TMEM183A: variants seen among roughly 807,000 people sequenced by gnomAD.
TMEM183A encodes the protein chromosome 1 open reading frame 37.
Under a neutral mutation model 46.7 loss-of-function variants are expected in TMEM183A, and 21 were observed. The observed-to-expected ratio is 0.45, with a 90% confidence interval of 0.32 to 0.65. The LOEUF (loss-of-function observed/expected upper bound fraction) is 0.65, where lower values mean the gene tolerates loss of function less well. TMEM183A is among the 30% of genes least tolerant of loss of function. TMEM183A has a pLI of 0.04. For synonymous variants in TMEM183A, 165 were observed against 180.2 expected (o/e 0.92, Z 0.68); for missense variants, 331 against 481.9 (o/e 0.69, Z 2.93).
Position 203,008,818 on chromosome 1 carries a change from G to C in TMEM183A, c.367+8G>C, listed in dbSNP as rs377530296. 6.3e-7 allele frequency: 1 copy of C among 1,588,894 alleles called. No homozygotes were observed. The highest frequency in any genetic ancestry group is 8.6e-7 in the Non-Finnish European group (1 of 1,169,446). On this transcript the variant is annotated splice_region_variant and intron_variant, in intron 3 of 7. Coordinates refer to ENST00000367242, the MANE Select transcript of TMEM183A (RefSeq NM_138391.6). ...AAAGCAAGAGACACAAAGGTATGGAGCTTGTTCTCTTTTGGTTTATTAGAC... is the reference window on the plus strand; with the variant it reads ...AAAGCAAGAGACACAAAGGTATGGACCTTGTTCTCTTTTGGTTTATTAGAC...
chr1:203,010,279 T>C (rs1420930313), intron 3 of TMEM183A, among the ~76,000 whole-genome samples: 1 of 152,238 alleles, frequency 6.6e-6, no homozygotes, highest in Non-Finnish European at 1.5e-5. Flanking sequence ...GTTAATGAAA[T>C]TAATGGTATG....
rs578145641 is a variant in TMEM183A at position 203,013,974 on chromosome 1, C to T, written c.368-915C>T. On this transcript the variant is annotated intron_variant, in intron 3 of 7. Coordinates refer to ENST00000367242, the MANE Select transcript of TMEM183A (RefSeq NM_138391.6). The surrounding 1 kb of genome is among the most constrained non-coding windows in gnomAD (Gnocchi z 4.0). ...TTCACCATGTTGGCCAGGATGGTCT[C>T]GATCTCTTGACCTCGTGATCTGCCT... Among the ~76,000 whole-genome samples, 115 of 152,126 alleles carry T rather than the reference C, an allele frequency of 7.6e-4. No individual in the cohort carries two copies. The highest frequency in any genetic ancestry group is 2.5e-3 in the African/African-American group (105 of 41,512).
intron 6 of TMEM183A, among the ~76,000 whole-genome samples, chr1:203,019,328 A>G (rs955412506): frequency 7.2e-5 from 11 of 152,324 alleles, no homozygotes; most frequent in Admixed American, 2.6e-4. Flanking sequence ...AAGGATAACA[A>G]CCTACTGCAA....
At chr1:203,019,181 C>T (rs1657440863) in intron 6 of TMEM183A, among the ~76,000 whole-genome samples, 3 of 152,150 alleles carry the variant, frequency 2.0e-5, no homozygotes, top group Non-Finnish European at 4.4e-5. Context: ...TTCAGATGCT[C>T]AACTGGTATA....
At chr1:203,016,183 T>C in intron 5 of TMEM183A, 43 bp downstream of exon 5, 2 of 1,612,704 alleles carry the variant, frequency 1.2e-6, no homozygotes, top group Non-Finnish European at 8.5e-7. Flanking sequence ...TGAACTCTTG[T>C]ATGGTAGGCC....
At chr1:203,007,967 T>G in intron 2 of TMEM183A, 104 bp downstream of exon 2, 1 of 1,421,456 alleles carries the variant, frequency 7.0e-7, no homozygotes, top group Non-Finnish European at 9.5e-7. Context: ...TGTAACCGTG[T>G]TTGCTTTCGT....
chr1:203,016,701 C>G (rs1364485754), intron 5 of TMEM183A, among the ~76,000 whole-genome samples: 4 of 152,198 alleles, frequency 2.6e-5, no homozygotes, highest in African/African-American at 9.7e-5. Context: ...TACCCTGATT[C>G]ATAAACCTTA....
Position 203,015,241 on chromosome 1 carries a change from C to T in TMEM183A, c.527+193C>T, listed in dbSNP as rs188329985. The T allele has an allele frequency of 9.2e-5, 77 of 840,214 alleles. No homozygotes were observed. In the African/African-American group the frequency reaches 1.2e-3, roughly 13 times the overall value. The allele number at this position is 840,214 out of a possible 1,614,324, so 52.0% of individuals were successfully genotyped here. A position where few individuals can be genotyped will look rare whatever the true frequency, so the allele number is the denominator to read the frequency against. Reference sequence around the variant, plus strand: ...TATTAATTATCCAGGTAATTGTCTTCCGTGTGGTTGCCTCCTTCCCCACTC... The same window carrying T: ...TATTAATTATCCAGGTAATTGTCTTTCGTGTGGTTGCCTCCTTCCCCACTC... On this transcript the variant is annotated intron_variant, in intron 4 of 7. Coordinates refer to ENST00000367242, the MANE Select transcript of TMEM183A (RefSeq NM_138391.6).
intron 2 of TMEM183A, 27 bp downstream of exon 2, chr1:203,007,890 C>T: frequency 6.2e-7 from 1 of 1,613,424 alleles, no homozygotes; most frequent in Middle Eastern, 1.7e-4. Context: ...CCTTTAAAGA[C>T]TCATGCCGCG....
At chr1:203,021,729 A>C (rs1657700059) in intron 7 of TMEM183A, among the ~76,000 whole-genome samples, 1 of 152,178 alleles carries the variant, frequency 6.6e-6, no homozygotes, top group South Asian at 2.1e-4. Flanking sequence ...GTAATTAGTA[A>C]ACAACGTATG....
intron 5 of TMEM183A, chr1:203,017,649 C>G: frequency 2.6e-6 from 2 of 779,562 alleles, no homozygotes; most frequent in Non-Finnish European, 3.1e-6. Context: ...ACTTGTATAC[C>G]CATGATTGCG....
chr1:203,022,617 C>T (rs12727457), intron 7 of TMEM183A, among the ~76,000 whole-genome samples: 55,411 of 150,922 alleles, frequency 0.37, 10,387 homozygotes, highest in Middle Eastern at 0.46. Flanking sequence ...GCACAAGAAT[C>T]GTTTGATCCC....
rs1369144852 is a variant in TMEM183A, at chr1:203,024,310, C to G, written c.*1270C>G. 1 of 152,152 alleles carries G rather than the reference C, an allele frequency of 6.6e-6. No individual in the cohort carries two copies. Among genetic ancestry groups the G allele is most frequent in the African/African-American group, 2.4e-5 (1 of 41,430 alleles). The allele number at this position is 152,152 out of a possible 1,614,324, so 9.4% of individuals were successfully genotyped here. A position where few individuals can be genotyped will look rare whatever the true frequency, so the allele number is the denominator to read the frequency against. On this transcript the variant is annotated 3_prime_UTR_variant, in exon 8 of 8. Transcript: ENST00000367242. ...CAGGTGTACTCTGAGAAGAGAATCA[C>G]GTTTTTCTGTTTTGCTAAGGAGAAA... is the stretch of plus-strand genomic sequence containing the variant.
chr1:203,018,044 C>A, intron 5 of TMEM183A: 1 of 754,298 alleles, frequency 1.3e-6, no homozygotes, highest in Non-Finnish European at 1.6e-6. Context: ...AGGTCCTGAG[C>A]AGTTTGCTTC....
intron 3 of TMEM183A, 114 bp downstream of exon 3, chr1:203,008,924 A>G: frequency 8.5e-7 from 1 of 1,179,694 alleles, no homozygotes; most frequent in Non-Finnish European, 1.1e-6. Context: ...GGAGAGTTTA[A>G]AGAAAACTTG....
chr1:203,007,630 G>C, intron 1 of TMEM183A, 56 bp downstream of exon 1: 1 of 1,531,924 alleles, frequency 6.5e-7, no homozygotes, highest in Non-Finnish European at 8.8e-7. Context: ...GCTGGGAGGG[G>C]GCTGGACCGT....
Position 203,016,158 on chromosome 1 carries a change from T to C in TMEM183A, c.708+18T>C. The C allele has an allele frequency of 1.2e-6, 2 of 1,614,076 alleles. No individual in the cohort carries two copies. The highest frequency in any genetic ancestry group is 2.2e-5 in the East Asian group (1 of 44,888). On this transcript the variant is annotated intron_variant, in intron 5 of 7. Transcript: ENST00000367242. ...ATTCCAAAGTAAGTGAGAATTTGTGTTGGGGTTTGACTAATGAACTCTTGT... is the reference window on the plus strand; with the variant it reads ...ATTCCAAAGTAAGTGAGAATTTGTGCTGGGGTTTGACTAATGAACTCTTGT...
At position 203,015,052 on chromosome 1, in the gene TMEM183A, C is replaced by T. The variant is rs376850325; in HGVS notation, c.527+4C>T. Reference sequence around the variant, plus strand: ...TTTGGACCAGGTTGTACCGAAGGTGCGACCACAGAGAGCTCACTCTTTTAT... The same window carrying T: ...TTTGGACCAGGTTGTACCGAAGGTGTGACCACAGAGAGCTCACTCTTTTAT... On this transcript the variant is annotated splice_donor_region_variant and intron_variant, in intron 4 of 7. Transcript: ENST00000367242. The T allele has an allele frequency of 5.2e-5, 83 of 1,605,042 alleles. No homozygotes were observed. The highest frequency in any genetic ancestry group is 6.3e-5 in the Non-Finnish European group (74 of 1,175,356).
At chr1:203,011,745 A>G (rs1481045942) in intron 3 of TMEM183A, among the ~76,000 whole-genome samples, 2 of 152,080 alleles carry the variant, frequency 1.3e-5, no homozygotes, top group Non-Finnish European at 2.9e-5. Context: ...TTCTTTATCT[A>G]TTCAGATTAC....
Sources: allele counts gnomAD v4.1 joint callset (sites outside exome capture counted in the v4.1 genomes callset), GRCh38; gene constraint gnomAD v4.1.1; non-coding constraint Gnocchi (gnomAD v3.1); transcripts MANE v1.5; gene names NCBI Gene and HGNC (gene_info 2026-07-23, HGNC 2026-07-21).